ZFHX3: variants seen among roughly 807,000 people sequenced by gnomAD.
ZFHX3 encodes the protein zinc finger homeobox protein 3.
In ZFHX3, 42 loss-of-function variants were observed where a neutral mutation model predicts 279.1. The ratio of observed to expected loss-of-function variants is 0.15; its 90% CI spans 0.12 to 0.19. The LOEUF is 0.19. ZFHX3 is among the 10% of genes least tolerant of loss of function. ZFHX3 has a pLI of 1.00. For missense variants in ZFHX3, 4,981 were observed against 4,754.0 expected, an observed-to-expected ratio of 1.05 and a Z score of -1.40; for synonymous variants, 2,293 against 1,957.8, an observed-to-expected ratio of 1.17 and a Z score of -4.52.
intron 2 of ZFHX3, among the ~76,000 whole-genome samples, chr16:73,637,336 A>AT (rs1206879220): frequency 6.8e-6 from 1 of 148,076 alleles, no homozygotes; most frequent in East Asian, 2.0e-4. Flanking sequence ...GATTCAAGTG[A>AT]TTCTCCTGCC....
At chr16:73,104,724 A>G (rs1028961834) in intron 7 of ZFHX3, among the ~76,000 whole-genome samples, 2 of 152,200 alleles carry the variant, frequency 1.3e-5, no homozygotes, top group African/African-American at 2.4e-5. Context: ...GACTTCAGGT[A>G]TAGGCCTGAT....
chr16:73,878,938 A>AT (rs1449213855), intron 1 of ZFHX3, among the ~76,000 whole-genome samples: 15 of 104,986 alleles, frequency 1.4e-4, no homozygotes, highest in African/African-American at 6.6e-4. Flanking sequence ...CAAAAAAGAT[A>AT]AGATATATAT....
intron 1 of ZFHX3, among the ~76,000 whole-genome samples, chr16:73,789,423 G>A (rs535428483): frequency 1.8e-4 from 28 of 151,996 alleles, no homozygotes; most frequent in South Asian, 4.1e-4. Context: ...CTCATGATCC[G>A]CCCACCTCAG....
intron 1 of ZFHX3, among the ~76,000 whole-genome samples, chr16:73,850,343 G>A (rs923475684): frequency 1.3e-5 from 2 of 152,180 alleles, no homozygotes; most frequent in Non-Finnish European, 2.9e-5. Flanking sequence ...GCTGGGAACA[G>A]AGAAAATACT....
At chr16:73,550,884 GGA>G (rs1485838360) in intron 2 of ZFHX3, among the ~76,000 whole-genome samples, 2 of 152,126 alleles carry the variant, frequency 1.3e-5, no homozygotes, top group African/African-American at 4.8e-5. Context: ...TATATTTTGG[GGA>G]GAGAGGGGAA....
intron 4 of ZFHX3, among the ~76,000 whole-genome samples, chr16:72,846,926 C>T (rs1048500365): frequency 2.6e-5 from 4 of 152,100 alleles, no homozygotes; most frequent in African/African-American, 9.7e-5. Context: ...GTCTGGACGC[C>T]CATAAACCAA....
intron 2 of ZFHX3, among the ~76,000 whole-genome samples, chr16:73,601,159 A>G (rs570458341): frequency 6.6e-6 from 1 of 152,152 alleles, no homozygotes; most frequent in East Asian, 1.9e-4. Context: ...ATTGTTATTT[A>G]ACAATTGTTT....
chr16:73,684,176 C>T (rs2053054782), intron 1 of ZFHX3, among the ~76,000 whole-genome samples: 1 of 152,106 alleles, frequency 6.6e-6, no homozygotes, highest in African/African-American at 2.4e-5. Flanking sequence ...TACCTGTAGT[C>T]CCAGCTACTC....
At chr16:73,227,011 T>A (rs566106368) in intron 5 of ZFHX3, among the ~76,000 whole-genome samples, 1 of 152,338 alleles carries the variant, frequency 6.6e-6, no homozygotes, top group East Asian at 1.9e-4. Context: ...CTATTAACAT[T>A]TTATGCTGAA....
intron 1 of ZFHX3, among the ~76,000 whole-genome samples, chr16:73,034,836 C>T (rs1305375657): frequency 6.6e-6 from 1 of 152,308 alleles, no homozygotes; most frequent in East Asian, 1.9e-4. Flanking sequence ...ACTGGCACCC[C>T]AATGTCACAG....
chr16:72,820,349 A>G (rs1472130146), intron 5 of ZFHX3, among the ~76,000 whole-genome samples: 1 of 152,208 alleles, frequency 6.6e-6, no homozygotes, highest in Non-Finnish European at 1.5e-5. Flanking sequence ...GCTTAACCAC[A>G]CTGATTTGAG....
chr16:72,888,619 G>C (rs1292645006), intron 4 of ZFHX3, among the ~76,000 whole-genome samples: 1 of 152,226 alleles, frequency 6.6e-6, no homozygotes, highest in Non-Finnish European at 1.5e-5. Context: ...GAAGTCAGAG[G>C]ACAAGAGAAA....
rs753056678 is a variant in ZFHX3, at chr16:72,957,832, C to A, written c.2314G>T (p.Ala772Ser). ...GEQVFSHTAGAAAAAVAAAAA... is the reference protein window; with the variant it reads ...GEQVFSHTAGSAAAAVAAAAA... ...GCCGCAGCCACCGCCGCCGCCGCCG[C>A]CCCGGCAGTGTGGCTGAAGACCTGC... The change falls in exon 2 of 10, where the codon GCG becomes TCG. Residue 772 changes from alanine (A) to serine (S), a missense_variant. Physicochemically the swap from Ala to Ser is moderately conservative, Grantham distance 99. Transcript: ENST00000268489. 4 of 1,612,482 alleles carry A rather than the reference C, an allele frequency of 2.5e-6. No individual in the cohort carries two copies. Among genetic ancestry groups the A allele is most frequent in the South Asian group, 2.2e-5 (2 of 91,058 alleles).
chr16:73,769,459 C>G (rs2053992359), intron 1 of ZFHX3, among the ~76,000 whole-genome samples: 2 of 152,098 alleles, frequency 1.3e-5, no homozygotes. Flanking sequence ...ACAAATTCAT[C>G]AAATGCTTGC....
chr16:73,675,745 C>T (rs917034914), intron 2 of ZFHX3, among the ~76,000 whole-genome samples: 7 of 151,854 alleles, frequency 4.6e-5, no homozygotes, highest in Non-Finnish European at 7.4e-5. Flanking sequence ...CTGGATCTGG[C>T]CAAAAATTCT....
At chr16:73,693,011 A>C (rs1265823820) in intron 1 of ZFHX3, among the ~76,000 whole-genome samples, 1 of 152,230 alleles carries the variant, frequency 6.6e-6, no homozygotes, top group Non-Finnish European at 1.5e-5. Context: ...ATGAATGCCA[A>C]GTTGTTCAAC....
chr16:73,812,941 G>C (rs1441866618), intron 1 of ZFHX3, among the ~76,000 whole-genome samples: 3 of 152,082 alleles, frequency 2.0e-5, no homozygotes, highest in East Asian at 1.9e-4. Context: ...CTTCTCACTA[G>C]GGCACCACAT....
intron 1 of ZFHX3, among the ~76,000 whole-genome samples, chr16:72,973,163 C>G (rs1262402681): frequency 1.3e-5 from 2 of 152,228 alleles, no homozygotes; most frequent in Non-Finnish European, 2.9e-5. Flanking sequence ...AACCAAGACT[C>G]AGCATGGCTC....
At chr16:73,052,773 C>G (rs531315424), upstream of ZFHX3, among the ~76,000 whole-genome samples, 113 of 152,214 alleles carry the variant, frequency 7.4e-4, 1 homozygote, top group South Asian at 0.023. Context: ...TTTCTGTCTC[C>G]CCGGAGCAAT....
Sources: gnomAD v4.1 joint callset for allele counts (sites outside exome capture counted in the v4.1 genomes callset) on GRCh38, gnomAD v4.1.1 for gene constraint, MANE v1.5 for transcripts, NCBI Gene and HGNC (gene_info 2026-07-23, HGNC 2026-07-21) for gene names.